EXT2: variants seen among roughly 807,000 people sequenced by gnomAD.
EXT2 encodes exostosin-2.
In EXT2, 53 loss-of-function variants were observed where a neutral mutation model predicts 81.6. The ratio of observed to expected loss-of-function variants is 0.65; its 90% CI spans 0.52 to 0.82. EXT2 has a LOEUF of 0.82. EXT2 is among the 40% of genes least tolerant of loss of function. The pLI, the probability that EXT2 is intolerant of heterozygous loss-of-function variation, is 0.00. For synonymous variants in EXT2, 320 were observed against 340.0 expected, an observed-to-expected ratio of 0.94 and a Z score of 0.65; for missense variants, 774 against 910.2, an observed-to-expected ratio of 0.85 and a Z score of 1.93.
chr11:44,222,453 A>G (rs1031675749), intron 10 of EXT2, among the ~76,000 whole-genome samples: 12 of 152,230 alleles, frequency 7.9e-5, no homozygotes, highest in Non-Finnish European at 1.5e-4. Flanking sequence ...TTGAATTTAT[A>G]TATACTTCCT....
At position 44,251,856 on chromosome 11, in the gene EXT2, A is replaced by G. The variant is rs2135297023; in HGVS notation, c.*7569A>G. On this transcript the variant is annotated 3_prime_UTR_variant, in exon 14 of 14. Coordinates refer to ENST00000533608, the MANE Select transcript of EXT2 (RefSeq NM_207122.2). ...TGGTGTGAGGATATGGCACTGAACA[A>G]AACAATGTACCTACTTTCGTCAAGC... 6.6e-6 allele frequency among the ~76,000 whole-genome samples: 1 copy of G among 152,370 alleles called. No individual in the cohort carries two copies. Among genetic ancestry groups the G allele is most frequent in the Non-Finnish European group, 1.5e-5 (1 of 68,034 alleles).
Position 44,167,902 on chromosome 11 carries a change from G to A in EXT2, c.1174-3709G>A, listed in dbSNP as rs576196496. 4.9e-4 allele frequency among the ~76,000 whole-genome samples: 74 copies of A among 151,994 alleles called. 1 individual carries two copies. The highest frequency in any genetic ancestry group is 1.7e-3 in the African/African-American group (71 of 41,406). ...ATATGTATACGTGTGCCATGCTGGT[G>A]CGCTGCACCCACTAACTCGTCCTCT... On this transcript the variant is annotated intron_variant, in intron 7 of 13. Coordinates refer to ENST00000533608, the MANE Select transcript of EXT2 (RefSeq NM_207122.2).
At chr11:44,127,426 TATC>T (rs1488851732) in intron 6 of EXT2, among the ~76,000 whole-genome samples, 1 of 152,192 alleles carries the variant, frequency 6.6e-6, no homozygotes, top group African/African-American at 2.4e-5. Context: ...GGCATTAAAT[TATC>T]ATAGAAGCGT....
At chr11:44,118,496 C>T (rs1414960602) in intron 4 of EXT2, among the ~76,000 whole-genome samples, 1 of 152,168 alleles carries the variant, frequency 6.6e-6, no homozygotes, top group Non-Finnish European at 1.5e-5. Context: ...TTTTACTCTA[C>T]TGCTTTATAT....
chr11:44,138,286 T>G (rs1590584400), intron 7 of EXT2, among the ~76,000 whole-genome samples: 1 of 152,114 alleles, frequency 6.6e-6, no homozygotes. Flanking sequence ...TTGAAGAGAT[T>G]TAGGAAAGAA....
At chr11:44,193,002 A>C (rs1955412299) in intron 8 of EXT2, among the ~76,000 whole-genome samples, 1 of 152,236 alleles carries the variant, frequency 6.6e-6, no homozygotes, top group South Asian at 2.1e-4. Flanking sequence ...TTTAAAAAAC[A>C]AGTTTTGATT....
intron 8 of EXT2, among the ~76,000 whole-genome samples, chr11:44,174,608 C>G (rs988930791): frequency 6.6e-6 from 1 of 152,098 alleles, no homozygotes; most frequent in South Asian, 2.1e-4. Flanking sequence ...TTACTGACCT[C>G]TACAGTTGTT....
chr11:44,198,672 A>T (rs1955487585), intron 9 of EXT2, among the ~76,000 whole-genome samples: 1 of 152,210 alleles, frequency 6.6e-6, no homozygotes, highest in South Asian at 2.1e-4. Flanking sequence ...TCCTAATCCC[A>T]GGGACTTCAA....
chr11:44,213,430 GGTA>G (rs1955676758), intron 10 of EXT2, among the ~76,000 whole-genome samples: 1 of 152,028 alleles, frequency 6.6e-6, no homozygotes, highest in Non-Finnish European at 1.5e-5. Context: ...AGAATTATCT[GGTA>G]AAGATTTTTA....
At chr11:44,183,328 G>A (rs933435295) in intron 8 of EXT2, among the ~76,000 whole-genome samples, 2 of 152,114 alleles carry the variant, frequency 1.3e-5, no homozygotes, top group African/African-American at 2.4e-5. Flanking sequence ...AGCATCCATT[G>A]GTGATTCTTG....
rs1201240696 is a variant in EXT2, at chr11:44,245,048, G to A, written c.*761G>A. 3 of 231,922 alleles carry A rather than the reference G, an allele frequency of 1.3e-5. No individual in the cohort carries two copies. Among genetic ancestry groups the A allele is most frequent in the East Asian group, 6.1e-5 (1 of 16,446 alleles). 14.4% of individuals were successfully genotyped at this position (231,922 alleles called of 1,614,324 possible). On this transcript the variant is annotated 3_prime_UTR_variant, in exon 14 of 14. Coordinates refer to ENST00000533608, the MANE Select transcript of EXT2 (RefSeq NM_207122.2). Reference sequence around the variant, plus strand: ...CTTCTGCCCATGTCTGGGAACACACGCCAGGAGGAATGTCTGATACCCTCT... The same window carrying A: ...CTTCTGCCCATGTCTGGGAACACACACCAGGAGGAATGTCTGATACCCTCT...
chr11:44,194,001 C>T lies in EXT2; in HGVS notation c.1306-3828C>T, dbSNP rs78102046. Among the ~76,000 whole-genome samples, 588 of 152,332 alleles carry T rather than the reference C, an allele frequency of 3.9e-3. 5 individuals are homozygous for T. Among genetic ancestry groups the T allele is most frequent in the African/African-American group, 0.014 (566 of 41,578 alleles). Reference sequence around the variant, plus strand: ...TGTTGTCTTGCCAGCGACTCTGGTTCCATGTCCCTGGCAGCTCCTTGAAAT... The same window carrying T: ...TGTTGTCTTGCCAGCGACTCTGGTTTCATGTCCCTGGCAGCTCCTTGAAAT... On this transcript the variant is annotated intron_variant, in intron 8 of 13. Coordinates refer to ENST00000533608, the MANE Select transcript of EXT2 (RefSeq NM_207122.2).
At chr11:44,112,749 C>T (rs11037867) in intron 3 of EXT2, among the ~76,000 whole-genome samples, 28,765 of 152,126 alleles carry the variant, frequency 0.19, 3,332 homozygotes, top group Middle Eastern at 0.28. Flanking sequence ...ACCTTAACCC[C>T]CCTGGAACAG....
chr11:44,183,527 G>T (rs191475415), intron 8 of EXT2, among the ~76,000 whole-genome samples: 7 of 151,818 alleles, frequency 4.6e-5, no homozygotes, highest in Non-Finnish European at 1.5e-5. Flanking sequence ...TTACATATCT[G>T]CAATTCTCAC....
chr11:44,168,686 T>C (rs1201555633), intron 7 of EXT2, among the ~76,000 whole-genome samples: 1 of 152,208 alleles, frequency 6.6e-6, no homozygotes, highest in African/African-American at 2.4e-5. Context: ...ACAGTAGAAG[T>C]ATATCTTGAA....
intron 5 of EXT2, among the ~76,000 whole-genome samples, 166 bp from the exon 6 acceptor site, chr11:44,126,650 T>G (rs1954408792): frequency 6.6e-6 from 1 of 152,238 alleles, no homozygotes; most frequent in Non-Finnish European, 1.5e-5. Context: ...CATTTAAACT[T>G]TTCAAGTTTT....
chr11:44,115,548 A>G (rs1954210977), intron 4 of EXT2, among the ~76,000 whole-genome samples: 1 of 152,214 alleles, frequency 6.6e-6, no homozygotes, highest in African/African-American at 2.4e-5. Context: ...CATGATAATA[A>G]AAGCATCCTT....
At chr11:44,186,887 T>C (rs566808312) in intron 8 of EXT2, among the ~76,000 whole-genome samples, 30 of 152,340 alleles carry the variant, frequency 2.0e-4, no homozygotes, top group African/African-American at 6.5e-4. Flanking sequence ...CATATGATTA[T>C]CTGATTATGT....
At chr11:44,193,044 G>T (rs1411244287) in intron 8 of EXT2, among the ~76,000 whole-genome samples, 2 of 152,154 alleles carry the variant, frequency 1.3e-5, no homozygotes, top group Admixed American at 1.3e-4. Flanking sequence ...AATAGTGGGT[G>T]TTCTGGCTCC....
Sources: allele counts gnomAD v4.1 joint callset (sites outside exome capture counted in the v4.1 genomes callset), GRCh38; gene constraint gnomAD v4.1.1; transcripts MANE v1.5; gene names NCBI Gene and HGNC (gene_info 2026-07-23, HGNC 2026-07-21).